MARCHF5: variants seen among roughly 807,000 people sequenced by gnomAD.
MARCHF5 encodes E3 ubiquitin-protein ligase MARCHF5.
A neutral mutation model predicts 36.5 loss-of-function variants in MARCHF5; 5 were observed. That is an observed-to-expected ratio of 0.14 (90% confidence interval 0.07 to 0.29). The LOEUF (loss-of-function observed/expected upper bound fraction) is 0.29, where lower values mean the gene tolerates loss of function less well. Ranked by LOEUF, MARCHF5 falls within the 10% of genes least tolerant of loss-of-function variation. The pLI, the probability that MARCHF5 is intolerant of heterozygous loss-of-function variation, is 1.00. For synonymous variants in MARCHF5, 103 were observed against 109.9 expected (o/e 0.94, Z 0.39); for missense variants, 179 against 336.3 (o/e 0.53, Z 3.66).
intron 2 of MARCHF5, among the ~76,000 whole-genome samples, chr10:92,313,592 G>A (rs879714795): frequency 3.3e-5 from 5 of 151,072 alleles, no homozygotes; most frequent in African/African-American, 7.3e-5. Flanking sequence ...GAGATAGAGC[G>A]AGACGCCGTG....
intron 2 of MARCHF5, among the ~76,000 whole-genome samples, chr10:92,326,557 CTG>C (rs923638075): frequency 2.0e-5 from 3 of 152,178 alleles, no homozygotes; most frequent in Non-Finnish European, 2.9e-5. Flanking sequence ...ATTTGAGAGA[CTG>C]TTAATAAATT....
rs911834867 is a variant in MARCHF5, at chr10:92,353,224, C to T, written c.*2017C>T. 1.3e-5 allele frequency: 2 copies of T among 152,030 alleles called. No individual in the cohort carries two copies. The highest frequency in any genetic ancestry group is 2.9e-5 in the Non-Finnish European group (2 of 68,030). 9.4% of individuals were successfully genotyped at this position (152,030 alleles called of 1,614,324 possible). A position where few individuals can be genotyped will look rare whatever the true frequency, so the allele number is the denominator to read the frequency against. On this transcript the variant is annotated 3_prime_UTR_variant, in exon 6 of 6. Coordinates refer to ENST00000358935, the MANE Select transcript of MARCHF5 (RefSeq NM_017824.5). ...TTGAACACTTTTAAACCTAAAGAGC[C>T]TTATTATTATTAGCTCGAGAAATAC...
At chr10:92,342,999 A>T (rs1291682249) in intron 3 of MARCHF5, among the ~76,000 whole-genome samples, 1 of 152,234 alleles carries the variant, frequency 6.6e-6, no homozygotes, top group African/African-American at 2.4e-5. Context: ...AAAAATATGG[A>T]TACAGTTAAA....
chr10:92,293,491 C>T (rs1329407751), intron 1 of MARCHF5, among the ~76,000 whole-genome samples: 1 of 151,946 alleles, frequency 6.6e-6, no homozygotes, highest in Non-Finnish European at 1.5e-5. Context: ...AAGAGTGAGC[C>T]TGGGCACGGT....
intron 1 of MARCHF5, among the ~76,000 whole-genome samples, chr10:92,297,719 C>T (rs543221675): frequency 7.3e-5 from 11 of 151,310 alleles, no homozygotes; most frequent in Non-Finnish European, 1.6e-4. Context: ...TTCAAACTCC[C>T]GACCTCGTGA....
chr10:92,317,298 C>T (rs914079681), intron 2 of MARCHF5, among the ~76,000 whole-genome samples: 1 of 152,160 alleles, frequency 6.6e-6, no homozygotes, highest in African/African-American at 2.4e-5. Flanking sequence ...AGGGTTTCAC[C>T]ACGTTGCCCA....
intron 2 of MARCHF5, among the ~76,000 whole-genome samples, chr10:92,320,851 GT>G (rs1416985528): frequency 3.9e-5 from 6 of 152,036 alleles, no homozygotes; most frequent in African/African-American, 1.5e-4. Flanking sequence ...CTATAATAGT[GT>G]ATAGTAATGT....
intron 1 of MARCHF5, among the ~76,000 whole-genome samples, chr10:92,302,107 A>G (rs1486846887): frequency 6.6e-6 from 1 of 152,176 alleles, no homozygotes; most frequent in African/African-American, 2.4e-5. Flanking sequence ...AATAGTTGTT[A>G]TACTGTATTG....
At chr10:92,339,592 C>T (rs1197354209) in intron 2 of MARCHF5, among the ~76,000 whole-genome samples, 1 of 152,126 alleles carries the variant, frequency 6.6e-6, no homozygotes, top group South Asian at 2.1e-4. Context: ...ATTGCTTGAA[C>T]CCAAGAGGCG....
At chr10:92,301,853 G>A (rs1843017234) in intron 1 of MARCHF5, among the ~76,000 whole-genome samples, 1 of 152,208 alleles carries the variant, frequency 6.6e-6, no homozygotes. Context: ...GAGGTCAGGA[G>A]TTTGAGACCA....
rs1256089974 is a variant in MARCHF5, at chr10:92,349,376, G to A, written c.397G>A (p.Val133Ile). 18 of 1,613,522 alleles carry A rather than the reference G, an allele frequency of 1.1e-5. No individual in the cohort carries two copies. Among genetic ancestry groups the A allele is most frequent in the Non-Finnish European group, 1.4e-5 (16 of 1,179,818 alleles). Residue 133 changes from valine (V) to isoleucine (I), a missense_variant, in exon 4 of 6, where the codon GTT becomes ATT. By Grantham distance (29) the Val-to-Ile change is conservative (BLOSUM62 3). Transcript: ENST00000358935. Reference protein sequence around the residue: ...QVVGHKEGLDVMERADPLFLL... With the variant: ...QVVGHKEGLDIMERADPLFLL... Reference sequence around the variant, plus strand: ...TGTAGGTCATAAAGAAGGTCTGGATGTTATGGAGAGAGCTGATCCTTTATT... The same window carrying A: ...TGTAGGTCATAAAGAAGGTCTGGATATTATGGAGAGAGCTGATCCTTTATT...
intron 2 of MARCHF5, chr10:92,334,676 A>G (rs1237794628): frequency 6.6e-6 from 1 of 152,240 alleles, no homozygotes; most frequent in African/African-American, 2.4e-5. Flanking sequence ...TTTAGCAGCC[A>G]AAATATAAAT....
At chr10:92,314,825 C>A (rs1269007174) in intron 2 of MARCHF5, among the ~76,000 whole-genome samples, 2 of 149,542 alleles carry the variant, frequency 1.3e-5, no homozygotes, top group African/African-American at 5.0e-5. Flanking sequence ...AAGCAATCCA[C>A]CTACCTTGGC....
intron 5 of MARCHF5, chr10:92,350,330 C>G (rs964553575): frequency 6.5e-6 from 1 of 154,610 alleles, no homozygotes; most frequent in African/African-American, 2.4e-5. Context: ...GTAACCTGCA[C>G]GGACCTTGGA....
intron 3 of MARCHF5, among the ~76,000 whole-genome samples, chr10:92,342,949 A>G (rs540364157): frequency 6.6e-6 from 1 of 152,234 alleles, no homozygotes; most frequent in African/African-American, 2.4e-5. Flanking sequence ...GGTGAGACAG[A>G]GTATTATGAG....
chr10:92,323,787 A>G (rs2135198345), intron 2 of MARCHF5, among the ~76,000 whole-genome samples: 1 of 152,330 alleles, frequency 6.6e-6, no homozygotes, highest in Admixed American at 6.5e-5. Flanking sequence ...GATGTCCCAC[A>G]GTTTATCCAT....
intron 2 of MARCHF5, among the ~76,000 whole-genome samples, chr10:92,337,657 A>G (rs1310986362): frequency 6.6e-6 from 1 of 152,178 alleles, no homozygotes; most frequent in Non-Finnish European, 1.5e-5. Flanking sequence ...CACTGAAGAA[A>G]TAATAGCATG....
At chr10:92,340,536 C>G (rs1843566671) in intron 2 of MARCHF5, 137 bp from the exon 3 acceptor site, 2 of 739,980 alleles carry the variant, frequency 2.7e-6, no homozygotes, top group Non-Finnish European at 4.3e-6. Flanking sequence ...CATGCCACTG[C>G]ACTATAATCT....
At chr10:92,295,148 A>G (rs1842932578) in intron 1 of MARCHF5, among the ~76,000 whole-genome samples, 2 of 152,086 alleles carry the variant, frequency 1.3e-5, no homozygotes, top group East Asian at 3.9e-4. Context: ...CCCTTGGTAT[A>G]TAGTGGTGAA....
Sources: gnomAD v4.1 joint callset for allele counts (sites outside exome capture counted in the v4.1 genomes callset) on GRCh38, gnomAD v4.1.1 for gene constraint, MANE v1.5 for transcripts, NCBI Gene and HGNC (gene_info 2026-07-23, HGNC 2026-07-21) for gene names.